The following DLEU7 variants were observed in gnomAD, a reference collection of about 807,000 sequenced individuals.
The protein encoded by DLEU7 is leukemia-associated protein 7.
Under a neutral mutation model 16.0 loss-of-function variants are expected in DLEU7, and 17 were observed. The observed-to-expected ratio is 1.06, with a 90% CI of 0.73 to 1.59. The LOEUF (loss-of-function observed/expected upper bound fraction) is 1.59. Among genes scored for constraint, DLEU7 ranks in the 40% most tolerant of loss-of-function variants. The pLI is 0.00. For missense variants in DLEU7, 308 were observed against 314.9 expected (o/e 0.98, Z 0.17); for synonymous variants, 113 against 139.8 (o/e 0.81, Z 1.35).
chr13:50,822,783 G>A (rs1032530282), downstream of DLEU7: 19 of 985,740 alleles, frequency 1.9e-5, no homozygotes, highest in East Asian at 2.2e-3. Flanking sequence ...AGTTATTAAT[G>A]TCAGGATTGA....
intron 1 of DLEU7, among the ~76,000 whole-genome samples, chr13:50,784,316 A>G (rs565085625): frequency 6.6e-6 from 1 of 152,354 alleles, no homozygotes; most frequent in South Asian, 2.1e-4. Flanking sequence ...TTAGAGGCCC[A>G]TAAAAAGTGA....
intron 1 of DLEU7, among the ~76,000 whole-genome samples, chr13:50,743,689 T>A (rs1874315397): frequency 6.6e-6 from 1 of 152,166 alleles, no homozygotes; most frequent in Non-Finnish European, 1.5e-5. Flanking sequence ...TGATTAAGGA[T>A]CTAAGAGAGT....
At chr13:50,836,439 C>G (rs1245925301) in intron 1 of DLEU7, among the ~76,000 whole-genome samples, 7 of 152,118 alleles carry the variant, frequency 4.6e-5, no homozygotes, top group Non-Finnish European at 8.8e-5. Flanking sequence ...CTTTGGGAGG[C>G]TGAGGCAGGT....
At chr13:50,744,435 C>G (rs898681426) in intron 1 of DLEU7, among the ~76,000 whole-genome samples, 1 of 152,182 alleles carries the variant, frequency 6.6e-6, no homozygotes, top group Non-Finnish European at 1.5e-5. Flanking sequence ...TAACTCCTGA[C>G]TGGCTTTTGA....
intron 1 of DLEU7, among the ~76,000 whole-genome samples, chr13:50,811,359 G>T (rs1876560827): frequency 6.6e-6 from 1 of 152,122 alleles, no homozygotes; most frequent in Non-Finnish European, 1.5e-5. Flanking sequence ...ATATATGCCA[G>T]ACTTCTTACA....
intron 1 of DLEU7, among the ~76,000 whole-genome samples, chr13:50,759,248 C>G (rs1274239100): frequency 6.6e-6 from 1 of 152,118 alleles, no homozygotes; most frequent in East Asian, 1.9e-4. Flanking sequence ...AACAAAGAAA[C>G]AAACACAAAA....
chr13:50,739,768 G>C (rs1319833643), intron 1 of DLEU7, among the ~76,000 whole-genome samples: 18 of 152,150 alleles, frequency 1.2e-4, no homozygotes, highest in Admixed American at 1.2e-3. Flanking sequence ...CCAAAACTGG[G>C]ATGTGGCCAG....
chr13:50,733,166 G>A (rs938109532), intron 1 of DLEU7, among the ~76,000 whole-genome samples: 10 of 152,130 alleles, frequency 6.6e-5, no homozygotes, highest in African/African-American at 1.9e-4. Flanking sequence ...CTGAGAAAGC[G>A]TTTTAAAAAC....
At chr13:50,831,902 G>C (rs1316299491) in intron 1 of DLEU7, among the ~76,000 whole-genome samples, 2 of 152,148 alleles carry the variant, frequency 1.3e-5, no homozygotes, top group Non-Finnish European at 2.9e-5. Context: ...TTTTACTGAG[G>C]ATTTTCGCAT....
rs1348876023 is a variant in DLEU7, at chr13:50,726,129, T to G, written c.460-12889A>C. On this transcript the variant is annotated intron_variant, in intron 1 of 1. Transcript: ENST00000400393. The surrounding 1 kb of genome is among the most constrained non-coding windows in gnomAD (Gnocchi z 4.0). The stretch of plus-strand genomic sequence containing the variant: ...AATTATAGTCAACAAACTACATGAC[T>G]GCTTTCCCTACTTCTGCCCTGTGGC... Among the ~76,000 whole-genome samples the G allele has an allele frequency of 2.6e-5, 4 of 152,142 alleles. No individual in the cohort carries two copies. Among genetic ancestry groups the G allele is most frequent in the African/African-American group, 7.2e-5 (3 of 41,430 alleles).
intron 1 of DLEU7, among the ~76,000 whole-genome samples, chr13:50,743,099 G>C (rs543796152): frequency 1.3e-5 from 2 of 152,074 alleles, no homozygotes; most frequent in South Asian, 4.2e-4. Flanking sequence ...CCTTTAAATA[G>C]CCCTGTGGCT....
intron 1 of DLEU7, among the ~76,000 whole-genome samples, chr13:50,837,969 G>C (rs1877526460): frequency 6.6e-6 from 1 of 152,130 alleles, no homozygotes; most frequent in African/African-American, 2.4e-5. Context: ...CATGTTTATG[G>C]ACCAAAAGGG....
intron 1 of DLEU7, among the ~76,000 whole-genome samples, chr13:50,828,503 A>C (rs1877164632): frequency 6.6e-6 from 1 of 152,222 alleles, no homozygotes; most frequent in Non-Finnish European, 1.5e-5. Flanking sequence ...AGTGAGAAAC[A>C]CTTTGACTTA....
chr13:50,753,187 T>G (rs1006825631), intron 1 of DLEU7, among the ~76,000 whole-genome samples: 4 of 152,258 alleles, frequency 2.6e-5, no homozygotes, highest in Non-Finnish European at 5.9e-5. Context: ...TACAATCCCT[T>G]AGCTAGACAT....
chr13:50,752,069 T>TTTTTTTTTA (rs1874583931), intron 1 of DLEU7, among the ~76,000 whole-genome samples: 1 of 128,438 alleles, frequency 7.8e-6, no homozygotes, highest in Admixed American at 7.8e-5. Flanking sequence ...TTTTTTTTTT[T>TTTTTTTTTA]GAGATGGAGT....
intron 1 of DLEU7, among the ~76,000 whole-genome samples, chr13:50,832,846 CTGTT>C (rs1204622658): frequency 1.3e-5 from 2 of 152,170 alleles, no homozygotes; most frequent in African/African-American, 2.4e-5. Context: ...GTCTGAGAGA[CTGTT>C]TGTATGATTT....
chr13:50,819,954 A>G (rs1593408884), downstream of DLEU7, among the ~76,000 whole-genome samples: 1 of 152,322 alleles, frequency 6.6e-6, no homozygotes, highest in East Asian at 1.9e-4. Context: ...TACACAATTA[A>G]GAAATCAAGA....
chr13:50,832,730 C>T (rs193237396), intron 1 of DLEU7, among the ~76,000 whole-genome samples: 4 of 152,224 alleles, frequency 2.6e-5, no homozygotes, highest in East Asian at 3.9e-4. Context: ...GCCTTAATTT[C>T]GTTATTTACC....
intron 1 of DLEU7, among the ~76,000 whole-genome samples, chr13:50,739,645 G>A (rs534454576): frequency 6.6e-6 from 1 of 152,252 alleles, no homozygotes; most frequent in African/African-American, 2.4e-5. Flanking sequence ...GTAAAAAATA[G>A]GTGGATTAGA....
Sources: allele counts gnomAD v4.1 joint callset (sites outside exome capture counted in the v4.1 genomes callset), GRCh38; gene constraint gnomAD v4.1.1; non-coding constraint Gnocchi (gnomAD v3.1); transcripts MANE v1.5; gene names NCBI Gene and HGNC (gene_info 2026-07-23, HGNC 2026-07-21).